The following WDR70 variants were observed in gnomAD, a reference collection of about 807,000 sequenced individuals.
WDR70 encodes WD repeat-containing protein 70.
Under a neutral mutation model 88.6 loss-of-function variants are expected in WDR70, and 53 were observed. The ratio of observed to expected loss-of-function variants is 0.60; its 90% confidence interval spans 0.48 to 0.75. WDR70 has a LOEUF of 0.75. Ranked by LOEUF, WDR70 falls within the 30% of genes least tolerant of loss-of-function variation. The pLI is 0.00. For synonymous variants in WDR70, 280 were observed against 270.0 expected (o/e 1.04, Z -0.36); for missense variants, 610 against 823.2 (o/e 0.74, Z 3.17).
chr5:37,438,637 T>C lies in WDR70; in HGVS notation c.552+656T>C, dbSNP rs192379359. Among the ~76,000 whole-genome samples, 145 of 152,204 alleles carry C rather than the reference T, an allele frequency of 9.5e-4. 4 individuals are homozygous for C. The highest frequency in any genetic ancestry group is 6.5e-3 in the Admixed American group (100 of 15,268). ...TTTCAGTGAAACTACTTTTTTCTAA[T>C]TGACATGTAAAGAAGTAAGAAAATA... On this transcript the variant is annotated intron_variant, in intron 6 of 17. Transcript: ENST00000265107.
At chr5:37,687,204 C>T (rs895911328) in intron 10 of WDR70, among the ~76,000 whole-genome samples, 1 of 152,018 alleles carries the variant, frequency 6.6e-6, no homozygotes, top group Admixed American at 6.6e-5. Context: ...AATTTTAGGT[C>T]ACCTTTGTCT....
At chr5:37,401,164 ATTT>A (rs559450523) in intron 5 of WDR70, among the ~76,000 whole-genome samples, 141 of 69,142 alleles carry the variant, frequency 2.0e-3, no homozygotes, top group African/African-American at 6.8e-3. Context: ...ACACCTAGCT[ATTT>A]TTTTTTTTTT....
At chr5:37,739,759 A>T (rs1222483259) in intron 17 of WDR70, among the ~76,000 whole-genome samples, 1 of 152,104 alleles carries the variant, frequency 6.6e-6, no homozygotes, top group Non-Finnish European at 1.5e-5. Flanking sequence ...CCTGTCATCT[A>T]CAATAGGTAT....
At chr5:37,506,291 C>A (rs1740558278) in intron 8 of WDR70, 1 of 936,144 alleles carries the variant, frequency 1.1e-6, no homozygotes, top group Non-Finnish European at 1.8e-6. Flanking sequence ...ATTGAGAATT[C>A]TTTATTGCCA....
intron 16 of WDR70, among the ~76,000 whole-genome samples, chr5:37,725,455 A>ATGTGGCCATCATTG (rs1747943330): frequency 6.6e-6 from 1 of 152,064 alleles, no homozygotes; most frequent in Non-Finnish European, 1.5e-5. Flanking sequence ...ACAAGGCAGA[A>ATGTGGCCATCATTG]TGTGGCCATC....
chr5:37,657,007 T>C (rs1373580417), intron 10 of WDR70, among the ~76,000 whole-genome samples: 1 of 152,134 alleles, frequency 6.6e-6, no homozygotes, highest in African/African-American at 2.4e-5. Context: ...GAGTGAACGG[T>C]TCTGTCTCGC....
At chr5:37,642,478 C>T (rs572929687) in intron 10 of WDR70, among the ~76,000 whole-genome samples, 10 of 152,170 alleles carry the variant, frequency 6.6e-5, no homozygotes, top group South Asian at 2.1e-4. Flanking sequence ...GCATATAATG[C>T]GTAATAATCA....
chr5:37,587,262 C>A (rs1743388105), intron 9 of WDR70, among the ~76,000 whole-genome samples: 1 of 152,072 alleles, frequency 6.6e-6, no homozygotes, highest in Admixed American at 6.6e-5. Flanking sequence ...CCTTTACAAT[C>A]TGGTACTTGC....
intron 9 of WDR70, among the ~76,000 whole-genome samples, chr5:37,564,159 C>CG (rs1203580259): frequency 1.3e-5 from 2 of 150,906 alleles, no homozygotes; most frequent in Non-Finnish European, 3.0e-5. Flanking sequence ...CGGCACTTTG[C>CG]GGGGCCAAGG....
chr5:37,679,893 G>T (rs535937409), intron 10 of WDR70, among the ~76,000 whole-genome samples: 1 of 152,360 alleles, frequency 6.6e-6, no homozygotes, highest in East Asian at 1.9e-4. Context: ...CCACCCAGTT[G>T]GAGCTTCCCG....
intron 10 of WDR70, among the ~76,000 whole-genome samples, chr5:37,663,303 C>G (rs560023680): frequency 6.6e-6 from 1 of 152,130 alleles, no homozygotes; most frequent in Non-Finnish European, 1.5e-5. Flanking sequence ...ACATAGTACT[C>G]GGAGAAAAGG....
rs1008141672 is a variant in WDR70, at chr5:37,412,280, G to A, written c.492+15710G>A. ...AGCACGCCTGTAATCCCAGCTACTC[G>A]GGAAGCTGAGGCAGGAGAATTGCTT... On this transcript the variant is annotated intron_variant, in intron 5 of 17. Coordinates refer to ENST00000265107, the MANE Select transcript of WDR70 (RefSeq NM_018034.4). Among the ~76,000 whole-genome samples the A allele has an allele frequency of 3.3e-4, 50 of 152,058 alleles. 1 individual carries two copies. Among genetic ancestry groups the A allele is most frequent in the Admixed American group, 5.2e-4 (8 of 15,254 alleles).
At chr5:37,465,269 G>A (rs1463684611) in intron 7 of WDR70, among the ~76,000 whole-genome samples, 2 of 152,146 alleles carry the variant, frequency 1.3e-5, no homozygotes, top group Non-Finnish European at 2.9e-5. Flanking sequence ...TGTTTTGGGA[G>A]TTTCATTTCC....
intron 5 of WDR70, among the ~76,000 whole-genome samples, chr5:37,416,496 G>A (rs1240101831): frequency 5.3e-5 from 8 of 151,974 alleles, no homozygotes; most frequent in African/African-American, 1.9e-4. Flanking sequence ...GAGGGAGATC[G>A]TGGAAAGAGA....
chr5:37,601,312 T>C (rs1351360701), intron 9 of WDR70, among the ~76,000 whole-genome samples: 2 of 152,234 alleles, frequency 1.3e-5, no homozygotes, highest in African/African-American at 4.8e-5. Flanking sequence ...TTTGTTACTG[T>C]GGTAATCATA....
chr5:37,717,516 G>A (rs544906281), intron 13 of WDR70, among the ~76,000 whole-genome samples: 28 of 152,320 alleles, frequency 1.8e-4, no homozygotes, highest in African/African-American at 6.0e-4. Context: ...CAGTAAAGAA[G>A]CACTTCTTCA....
chr5:37,448,005 C>G (rs1036771689), intron 7 of WDR70, among the ~76,000 whole-genome samples: 3 of 152,108 alleles, frequency 2.0e-5, no homozygotes, highest in African/African-American at 7.2e-5. Flanking sequence ...AATATAGTTA[C>G]TACTGAAGAG....
At chr5:37,533,978 C>G (rs1415769785) in intron 9 of WDR70, among the ~76,000 whole-genome samples, 5 of 152,186 alleles carry the variant, frequency 3.3e-5, no homozygotes, top group African/African-American at 1.2e-4. Flanking sequence ...TTTTCGGTGA[C>G]TCAGGGAGCC....
chr5:37,636,935 G>GT lies in WDR70; in HGVS notation c.1092+31705dup, dbSNP rs985716990. ...AGAATTCTATCAGTGTTACTCTTCT[G>GT]TTTTTTTTGATAATTATATAATCTT... On this transcript the variant is annotated intron_variant, in intron 10 of 17. Transcript: ENST00000265107. Among the ~76,000 whole-genome samples, 307 of 152,036 alleles carry GT rather than the reference G, an allele frequency of 2.0e-3. 1 individual carries two copies. Among genetic ancestry groups the GT allele is most frequent in the African/African-American group, 6.8e-3 (283 of 41,456 alleles).
Sources: gnomAD v4.1 joint callset for allele counts (sites outside exome capture counted in the v4.1 genomes callset) on GRCh38, gnomAD v4.1.1 for gene constraint, MANE v1.5 for transcripts, NCBI Gene and HGNC (gene_info 2026-07-23, HGNC 2026-07-21) for gene names.